Variants in OSBP observed in about 807,000 individuals in gnomAD.
OSBP encodes oxysterol binding protein.
Under a neutral mutation model 96.6 loss-of-function variants are expected in OSBP, and 32 were observed. The observed-to-expected ratio is 0.33, with a 90% CI of 0.25 to 0.45. OSBP has a LOEUF of 0.45. Ranked by LOEUF, OSBP falls within the 20% of genes least tolerant of loss-of-function variation. The probability of loss-of-function intolerance (pLI) is 1.00; values close to 1 mark genes in which losing one functional copy is unlikely to be tolerated. For missense variants in OSBP, 653 were observed against 1,029.7 expected, an observed-to-expected ratio of 0.63 and a Z score of 5.01; for synonymous variants, 369 against 389.6, an observed-to-expected ratio of 0.95 and a Z score of 0.62.
intron 10 of OSBP, among the ~76,000 whole-genome samples, chr11:59,581,165 A>G (rs11230009): frequency 0.018 from 2,692 of 152,326 alleles, 41 homozygotes; most frequent in Middle Eastern, 0.044. Context: ...AAGGATTAAG[A>G]GTTGGGGCCA....
In OSBP at chr11:59,611,150, A is replaced by AAAAAG. The variant is rs1554981341; in HGVS notation, c.363-562_363-561insCTTTT. 3.7e-3 allele frequency among the ~76,000 whole-genome samples: 554 copies of AAAAAG among 150,610 alleles called. 8 individuals are homozygous for AAAAAG. The highest frequency in any genetic ancestry group is 0.013 in the African/African-American group (528 of 40,746). On this transcript the variant is annotated intron_variant, in intron 1 of 13. Transcript: ENST00000263847. ...AACTCCGTCTCAAAAAAAAAAAAAA[A>AAAAAG]AAAGAAAGAAAGAAAGAAAGAAAGA...
chr11:59,602,118 T>C (rs1860732104), intron 3 of OSBP, among the ~76,000 whole-genome samples: 2 of 152,204 alleles, frequency 1.3e-5, no homozygotes, highest in Non-Finnish European at 2.9e-5. Context: ...AGACGAAGTA[T>C]TTGTGACAAC....
At chr11:59,589,203 G>C (rs1590670518) in intron 9 of OSBP, among the ~76,000 whole-genome samples, 3 of 149,208 alleles carry the variant, frequency 2.0e-5, no homozygotes, top group Admixed American at 2.0e-4. Flanking sequence ...GCCTAGGCTG[G>C]TATCAGACTC....
chr11:59,602,439 G>C (rs1398445714), intron 3 of OSBP, among the ~76,000 whole-genome samples: 1 of 152,092 alleles, frequency 6.6e-6, no homozygotes, highest in East Asian at 1.9e-4. Context: ...CAAAGAAGAG[G>C]TTTAGAGAAA....
At chr11:59,601,957 G>T in intron 3 of OSBP, 119 bp from the exon 4 acceptor site, 1 of 826,566 alleles carries the variant, frequency 1.2e-6, no homozygotes, top group Non-Finnish European at 1.9e-6. Flanking sequence ...TACAATGAAA[G>T]ACTTTCCCTT....
chr11:59,602,058 C>T (rs904055798), intron 3 of OSBP, among the ~76,000 whole-genome samples: 1 of 152,192 alleles, frequency 6.6e-6, no homozygotes, highest in African/African-American at 2.4e-5. Flanking sequence ...GGTTCTTTTA[C>T]ACTTTCCTGG....
chr11:59,601,134 AG>A, intron 5 of OSBP, 148 bp downstream of exon 5: 5 of 533,376 alleles, frequency 9.4e-6, no homozygotes, highest in South Asian at 6.2e-5. Flanking sequence ...AAAAAAAAAA[AG>A]GGAAAAGGGC....
intron 12 of OSBP, 105 bp from the exon 13 acceptor site, chr11:59,577,130 C>G: frequency 1.1e-6 from 1 of 876,766 alleles, no homozygotes; most frequent in Non-Finnish European, 1.7e-6. Context: ...CAAGGCTGTT[C>G]TACAAAAACA....
intron 7 of OSBP, among the ~76,000 whole-genome samples, chr11:59,597,308 G>C (rs1055810404): frequency 2.6e-5 from 4 of 152,028 alleles, no homozygotes; most frequent in African/African-American, 9.7e-5. Context: ...GCCTCCCAAA[G>C]TGCTGGGATT....
Position 59,608,472 on chromosome 11 carries a change from A to G in OSBP, c.822+12T>C, listed in dbSNP as rs1860809365. 1 of 1,614,138 alleles carries G rather than the reference A, an allele frequency of 6.2e-7. No individual in the cohort carries two copies. Among genetic ancestry groups the G allele is most frequent in the Non-Finnish European group, 8.5e-7 (1 of 1,179,988 alleles). ...TGAATCAAAAAGCAACACAGACACCATCTGCACTCACGTTGATCATGGCAT... is the reference window on the plus strand; with the variant it reads ...TGAATCAAAAAGCAACACAGACACCGTCTGCACTCACGTTGATCATGGCAT... On this transcript the variant is annotated intron_variant, in intron 3 of 13. Transcript: ENST00000263847.
At chr11:59,596,319 C>G (rs1860656454) in intron 7 of OSBP, among the ~76,000 whole-genome samples, 1 of 152,136 alleles carries the variant, frequency 6.6e-6, no homozygotes, top group Non-Finnish European at 1.5e-5. Context: ...CATTTCCATA[C>G]ATTTTGAGGA....
In OSBP at chr11:59,578,217, ACCC is replaced by A. The variant is rs1301355191; in HGVS notation, c.1989_1991del (p.Gly664del). On this transcript the variant is annotated inframe_deletion, in exon 12 of 14. Transcript: ENST00000263847. ...CTTCATGGCCTCTCTGTCGAGCATC[ACCC>A]CCATTTTCCCCAATGACTGGCTGTA... 1.2e-6 allele frequency: 2 copies of A among 1,613,716 alleles called. No individual in the cohort carries two copies. The highest frequency in any genetic ancestry group is 2.2e-5 in the South Asian group (2 of 91,064).
Sources: gnomAD v4.1 joint callset for allele counts (sites outside exome capture counted in the v4.1 genomes callset) on GRCh38, gnomAD v4.1.1 for gene constraint, MANE v1.5 for transcripts, NCBI Gene and HGNC (gene_info 2026-07-23, HGNC 2026-07-21) for gene names.